CATSPERB: variants seen among roughly 807,000 people sequenced by gnomAD.
CATSPERB encodes cation channel sperm-associated auxiliary subunit beta.
A neutral mutation model predicts 128.3 loss-of-function variants in CATSPERB; 93 were observed. The ratio of observed to expected loss-of-function variants is 0.72; its 90% confidence interval spans 0.61 to 0.86. The LOEUF is 0.86. Ranked by LOEUF, CATSPERB falls within the 40% of genes least tolerant of loss-of-function variation. The pLI, the probability that CATSPERB is intolerant of heterozygous loss-of-function variation, is 0.00. For synonymous variants in CATSPERB, 381 were observed against 448.8 expected, an observed-to-expected ratio of 0.85 and a Z score of 1.91; for missense variants, 1,153 against 1,329.5, an observed-to-expected ratio of 0.87 and a Z score of 2.06.
At chr14:91,702,894 C>T (rs1368597008) in intron 7 of CATSPERB, among the ~76,000 whole-genome samples, 3 of 151,786 alleles carry the variant, frequency 2.0e-5, no homozygotes, top group African/African-American at 7.3e-5. Flanking sequence ...ATAATTTCTA[C>T]ACAATAGGCC....
chr14:91,682,746 C>T (rs955332895), intron 11 of CATSPERB, among the ~76,000 whole-genome samples: 2 of 152,162 alleles, frequency 1.3e-5, no homozygotes, highest in Non-Finnish European at 2.9e-5. Flanking sequence ...CCATCTTTTT[C>T]CCCCAGGCAG....
chr14:91,657,084 G>T (rs1034814833), intron 15 of CATSPERB, among the ~76,000 whole-genome samples: 1 of 151,966 alleles, frequency 6.6e-6, no homozygotes, highest in African/African-American at 2.4e-5. Context: ...AACAACCCAT[G>T]TTCACCTTTG....
intron 22 of CATSPERB, among the ~76,000 whole-genome samples, chr14:91,603,934 C>T (rs1001577320): frequency 6.6e-6 from 1 of 151,270 alleles, no homozygotes; most frequent in East Asian, 2.0e-4. Context: ...ATCACCTTGT[C>T]TGGAGAAATG....
intron 11 of CATSPERB, among the ~76,000 whole-genome samples, chr14:91,678,995 T>A (rs990490213): frequency 2.2e-4 from 33 of 152,202 alleles, no homozygotes; most frequent in African/African-American, 7.9e-4. Context: ...CTGTCTAATA[T>A]CTCCATTTTC....
intron 4 of CATSPERB, among the ~76,000 whole-genome samples, chr14:91,721,021 C>A (rs1896019643): frequency 6.6e-6 from 1 of 152,042 alleles, no homozygotes; most frequent in East Asian, 1.9e-4. Context: ...GGCTGGATAT[C>A]CACATGCAAA....
intron 18 of CATSPERB, among the ~76,000 whole-genome samples, chr14:91,624,078 T>C (rs1704617): frequency 0.74 from 112,782 of 152,094 alleles, 42,399 homozygotes; most frequent in East Asian, 0.97. Flanking sequence ...CAGAGTGTGG[T>C]GGCTAATGCC....
intron 6 of CATSPERB, among the ~76,000 whole-genome samples, chr14:91,705,343 A>C (rs1435350776): frequency 6.6e-6 from 1 of 152,202 alleles, no homozygotes; most frequent in Non-Finnish European, 1.5e-5. Context: ...GGTAGATGAA[A>C]ATGAGTAAAA....
At chr14:91,691,635 A>G in intron 9 of CATSPERB, 80 bp from the exon 10 acceptor site, 2 of 1,079,356 alleles carry the variant, frequency 1.9e-6, no homozygotes, top group Non-Finnish European at 1.4e-6. Context: ...ATTATACTAA[A>G]GGAAATAAAC....
chr14:91,702,736 G>C (rs927173226), intron 7 of CATSPERB, among the ~76,000 whole-genome samples: 1 of 149,174 alleles, frequency 6.7e-6, no homozygotes, highest in African/African-American at 2.5e-5. Context: ...ATTTTTCTTG[G>C]AATCATATTG....
rs1894041533 is a variant in CATSPERB at position 91,621,553 on chromosome 14, T to C, written c.2260+55A>G. On this transcript the variant is annotated intron_variant, in intron 19 of 26. Coordinates refer to ENST00000256343, the MANE Select transcript of CATSPERB (RefSeq NM_024764.4). ...TCAGTATCAAAGAGTATATTTCACATTCAAGAAAAGAAATAACATTTCCTT... is the reference window on the plus strand; with the variant it reads ...TCAGTATCAAAGAGTATATTTCACACTCAAGAAAAGAAATAACATTTCCTT... 15 of 1,361,176 alleles carry C rather than the reference T, an allele frequency of 1.1e-5. No individual in the cohort carries two copies. In the Admixed American group the frequency reaches 1.8e-4, roughly 16 times the overall value. The allele number at this position is 1,361,176 out of a possible 1,614,324, so 84.3% of individuals were successfully genotyped here. A position where few individuals can be genotyped will look rare whatever the true frequency, so the allele number is the denominator to read the frequency against.
intron 11 of CATSPERB, among the ~76,000 whole-genome samples, chr14:91,676,619 ACAT>A (rs34192092): frequency 0.03 from 4,535 of 152,194 alleles, 93 homozygotes; most frequent in Non-Finnish European, 0.045. Context: ...TGAAATGTAA[ACAT>A]TGGAAGCTCA....
chr14:91,682,460 TA>T (rs1489694967), intron 11 of CATSPERB, among the ~76,000 whole-genome samples: 3 of 152,150 alleles, frequency 2.0e-5, no homozygotes, highest in Admixed American at 6.5e-5. Context: ...CCCAGGAATG[TA>T]ATCAAACTCT....
At chr14:91,715,137 CTTTTTT>C (rs113497811) in intron 5 of CATSPERB, 3 of 148,746 alleles carry the variant, frequency 2.0e-5, no homozygotes, top group African/African-American at 7.4e-5. Flanking sequence ...TTTTGGTATA[CTTTTTT>C]TTTTATGTGC....
chr14:91,682,083 A>G (rs993859), intron 11 of CATSPERB, among the ~76,000 whole-genome samples: 118,742 of 152,086 alleles, frequency 0.78, 46,627 homozygotes, highest in Admixed American at 0.83. Flanking sequence ...CAGACTGCTG[A>G]GTCTGTGGGG....
At chr14:91,604,439 A>G in intron 22 of CATSPERB, 2 of 1,390,094 alleles carry the variant, frequency 1.4e-6, no homozygotes, top group Non-Finnish European at 2.0e-6. Context: ...GGAGTAGTTT[A>G]GGAATAAATC....
intron 14 of CATSPERB, among the ~76,000 whole-genome samples, chr14:91,663,344 A>C (rs1743089): frequency 0.78 from 117,824 of 152,014 alleles, 45,899 homozygotes; most frequent in East Asian, 0.92. Flanking sequence ...AGTCATTGCC[A>C]AATTACTTTG....
chr14:91,693,514 A>C (rs1250606742), intron 7 of CATSPERB, 35 bp from the exon 8 acceptor site: 1 of 1,554,816 alleles, frequency 6.4e-7, no homozygotes, highest in East Asian at 2.2e-5. Flanking sequence ...AAAGCCAGGC[A>C]ACTTTACAAG....
Position 91,610,479 on chromosome 14 carries a change from C to T in CATSPERB, c.2598+1G>A. On this transcript the variant is annotated splice_donor_variant, in intron 21 of 26. Coordinates refer to ENST00000256343, the MANE Select transcript of CATSPERB (RefSeq NM_024764.4). LOFTEE classifies it high-confidence loss of function. Reference sequence around the variant, plus strand: ...CAATATACTTAGATTTTTTTTTTTACCGGCAAAGTTTTGATGAGGTTAAAA... The same window carrying T: ...CAATATACTTAGATTTTTTTTTTTATCGGCAAAGTTTTGATGAGGTTAAAA... The T allele has an allele frequency of 3.1e-6, 5 of 1,595,102 alleles. No homozygotes were observed. The highest frequency in any genetic ancestry group is 1.8e-5 in the Admixed American group (1 of 55,140).
At position 91,678,267 on chromosome 14, in the gene CATSPERB, A is replaced by G. The variant is rs138610988; in HGVS notation, c.932-4045T>C. Among the ~76,000 whole-genome samples, 299 of 152,366 alleles carry G rather than the reference A, an allele frequency of 2.0e-3. 1 individual carries two copies. Among genetic ancestry groups the G allele is most frequent in the Non-Finnish European group, 3.6e-3 (246 of 68,038 alleles). ...ATAAAAAACAAAACTGAACTGCCGT[A>G]AAGACTGCTTTAGCCAAATTTTGGT... On this transcript the variant is annotated intron_variant, in intron 11 of 26. Coordinates refer to ENST00000256343, the MANE Select transcript of CATSPERB (RefSeq NM_024764.4).
Sources: gnomAD v4.1 joint callset for allele counts (sites outside exome capture counted in the v4.1 genomes callset) on GRCh38, gnomAD v4.1.1 for gene constraint, MANE v1.5 for transcripts, NCBI Gene and HGNC (gene_info 2026-07-23, HGNC 2026-07-21) for gene names.